HEMK2: variants seen among roughly 807,000 people sequenced by gnomAD.
The protein encoded by HEMK2 is HemK methyltransferase 2, ETF1 glutamine and histone H4 lysine.
At chr21:28,785,165 G>A in the HEMK2 span, among the ~76,000 whole-genome samples, 1 of 152,066 alleles carries the variant, frequency 6.6e-6, no homozygotes, top group African/African-American at 2.4e-5. Flanking sequence ...ACATCAGAAG[G>A]AACAAACTCC....
the HEMK2 span, among the ~76,000 whole-genome samples, chr21:28,672,927 A>T: frequency 2.0e-5 from 3 of 151,976 alleles, no homozygotes. Context: ...CTTCTACATG[A>T]TAAACGCAAA....
At chr21:28,781,750 A>G in the HEMK2 span, among the ~76,000 whole-genome samples, 31 of 152,334 alleles carry the variant, frequency 2.0e-4, no homozygotes, top group African/African-American at 7.2e-4. Flanking sequence ...GGAGTCATTT[A>G]TATGGGTATA....
At chr21:28,588,908 A>G in the HEMK2 span, among the ~76,000 whole-genome samples, 500 of 151,164 alleles carry the variant, frequency 3.3e-3, 4 homozygotes, top group Middle Eastern at 0.017. Context: ...GCATGAACCC[A>G]GGAGGCAGAG....
the HEMK2 span, among the ~76,000 whole-genome samples, chr21:28,797,371 G>A: frequency 2.6e-5 from 4 of 151,976 alleles, no homozygotes; most frequent in South Asian, 2.1e-4. Flanking sequence ...TAAGGTGGAC[G>A]GATTGCTTGA....
chr21:28,641,711 T>C, the HEMK2 span, among the ~76,000 whole-genome samples: 45 of 152,334 alleles, frequency 3.0e-4, no homozygotes, highest in East Asian at 8.3e-3. Context: ...AAAAATATAG[T>C]GGTTTTTGCA....
chr21:28,694,479 G>A, the HEMK2 span, among the ~76,000 whole-genome samples: 1 of 152,070 alleles, frequency 6.6e-6, no homozygotes, highest in Non-Finnish European at 1.5e-5. Context: ...ATCATTTATG[G>A]TTGAAGTTCT....
chr21:28,838,270 C>G, the HEMK2 span, among the ~76,000 whole-genome samples: 1 of 152,162 alleles, frequency 6.6e-6, no homozygotes, highest in Non-Finnish European at 1.5e-5. Context: ...TGCGGTGGCT[C>G]ACACCTGTAA....
the HEMK2 span, among the ~76,000 whole-genome samples, chr21:28,764,350 T>G: frequency 6.6e-6 from 1 of 151,898 alleles, no homozygotes; most frequent in Admixed American, 6.6e-5. Flanking sequence ...AATTTTAAAG[T>G]GAGGCAGAAG....
At chr21:28,758,122 A>C in the HEMK2 span, among the ~76,000 whole-genome samples, 2 of 152,200 alleles carry the variant, frequency 1.3e-5, no homozygotes, top group Non-Finnish European at 2.9e-5. Flanking sequence ...TAAGATTCTA[A>C]GAAGAAGGAA....
At chr21:28,826,520 C>A in the HEMK2 span, among the ~76,000 whole-genome samples, 1 of 152,216 alleles carries the variant, frequency 6.6e-6, no homozygotes, top group African/African-American at 2.4e-5. Flanking sequence ...AATATTCCAC[C>A]AGAATGGGGA....
the HEMK2 span, among the ~76,000 whole-genome samples, chr21:28,826,075 T>C: frequency 6.6e-6 from 1 of 152,202 alleles, no homozygotes; most frequent in Admixed American, 6.5e-5. Context: ...TTGCTTTAAA[T>C]GGGCAAAACA....
At chr21:28,625,436 A>T in the HEMK2 span, among the ~76,000 whole-genome samples, 1 of 152,166 alleles carries the variant, frequency 6.6e-6, no homozygotes, top group Non-Finnish European at 1.5e-5. Flanking sequence ...TAAAGTTCAA[A>T]GAGATTATTT....
At chr21:28,607,614 C>G in the HEMK2 span, among the ~76,000 whole-genome samples, 1 of 152,084 alleles carries the variant, frequency 6.6e-6, no homozygotes, top group Non-Finnish European at 1.5e-5. Flanking sequence ...CTTTTTTCTT[C>G]TTTGTCTGCC....
the HEMK2 span, among the ~76,000 whole-genome samples, chr21:28,658,101 T>G: frequency 6.6e-6 from 1 of 152,042 alleles, no homozygotes; most frequent in Non-Finnish European, 1.5e-5. Context: ...AACTCAAGTG[T>G]GCATGTCAAA....
At chr21:28,814,902 A>G in the HEMK2 span, among the ~76,000 whole-genome samples, 3 of 152,160 alleles carry the variant, frequency 2.0e-5, no homozygotes, top group Non-Finnish European at 4.4e-5. Flanking sequence ...AAGATTATAA[A>G]TCATGCTGCT....
At chr21:28,669,556 C>T in the HEMK2 span, among the ~76,000 whole-genome samples, 2 of 152,252 alleles carry the variant, frequency 1.3e-5, no homozygotes, top group South Asian at 2.1e-4. Flanking sequence ...AAGCTTAAAC[C>T]GTGTTCCTGC....
the HEMK2 span, among the ~76,000 whole-genome samples, chr21:28,781,120 C>G: frequency 6.6e-6 from 1 of 152,160 alleles, no homozygotes; most frequent in Non-Finnish European, 1.5e-5. Context: ...GCCTCTATCT[C>G]AAGTTGCTTA....
the HEMK2 span, among the ~76,000 whole-genome samples, chr21:28,657,628 T>C: frequency 3.9e-5 from 6 of 152,130 alleles, no homozygotes; most frequent in Admixed American, 6.6e-5. Context: ...TTGAGATTCA[T>C]ATCCTCATAA....
the HEMK2 span, among the ~76,000 whole-genome samples, chr21:28,586,033 C>T: frequency 6.6e-6 from 1 of 152,108 alleles, no homozygotes; most frequent in Non-Finnish European, 1.5e-5. Flanking sequence ...ACTAGTGATA[C>T]ACAAATGCTA....
Sources: gnomAD v4.1 joint callset for allele counts (sites outside exome capture counted in the v4.1 genomes callset) on GRCh38, gnomAD v4.1.1 for gene constraint, MANE v1.5 for transcripts, NCBI Gene and HGNC (gene_info 2026-07-23, HGNC 2026-07-21) for gene names.